SYNE1: variants seen among roughly 807,000 people sequenced by gnomAD.
SYNE1 encodes spectrin repeat containing nuclear envelope protein 1, also known as nesprin-1.
SYNE1 carries 616 observed loss-of-function variants against 1,111.0 expected under a neutral mutation model. That is an observed-to-expected ratio of 0.55 (90% CI 0.52 to 0.59). The LOEUF (loss-of-function observed/expected upper bound fraction) is 0.59, where lower values mean the gene tolerates loss of function less well. SYNE1 is among the 20% of genes least tolerant of loss of function. SYNE1 has a pLI of 0.00. For synonymous variants in SYNE1, 3,855 were observed against 3,825.8 expected (o/e 1.01, Z -0.28); for missense variants, 10,006 against 10,417.0 (o/e 0.96, Z 1.72).
intron 127 of SYNE1, among the ~76,000 whole-genome samples, chr6:152,200,357 T>A (rs2075158568): frequency 6.6e-6 from 1 of 152,208 alleles, no homozygotes. Flanking sequence ...TCACAGCCCC[T>A]AATAAATGCC....
chr6:152,362,418 G>T, intron 63 of SYNE1, 95 bp from the exon 64 acceptor site: 1 of 1,534,406 alleles, frequency 6.5e-7, no homozygotes, highest in Non-Finnish European at 9.0e-7. Context: ...AGTAAGCAAG[G>T]GGTCAAGAGA....
chr6:152,396,076 C>G (rs1475199692), intron 50 of SYNE1, among the ~76,000 whole-genome samples: 1 of 152,148 alleles, frequency 6.6e-6, no homozygotes, highest in African/African-American at 2.4e-5. Flanking sequence ...TGTCAATGTG[C>G]ACTTTAATTT....
At chr6:152,256,522 G>T in intron 102 of SYNE1, 112 bp downstream of exon 102, 2 of 1,375,462 alleles carry the variant, frequency 1.5e-6, no homozygotes, top group East Asian at 2.5e-5. Flanking sequence ...CACTAGTGTT[G>T]GGTCTCATGC....
At chr6:152,290,034 G>T (rs2094524651) in intron 95 of SYNE1, among the ~76,000 whole-genome samples, 1 of 150,300 alleles carries the variant, frequency 6.7e-6, no homozygotes, top group African/African-American at 2.5e-5. Context: ...TCAGATGAGA[G>T]ACCACAGTTC....
chr6:152,582,350 T>C (rs2099523001), intron 3 of SYNE1, among the ~76,000 whole-genome samples: 1 of 152,084 alleles, frequency 6.6e-6, no homozygotes, highest in South Asian at 2.1e-4. Context: ...CTCACATCTC[T>C]CCTTGTAATA....
intron 66 of SYNE1, among the ~76,000 whole-genome samples, chr6:152,355,390 A>G (rs554922374): frequency 6.6e-6 from 1 of 152,340 alleles, no homozygotes; most frequent in South Asian, 2.1e-4. Flanking sequence ...TGACTGAGAA[A>G]GAAACAATGA....
rs748625278 is a variant in SYNE1 at position 152,231,472 on chromosome 6, A to G, written c.20958T>C (p.Arg6986=). Residue 6986 remains arginine (R), a synonymous_variant, in exon 114 of 146, where the codon CGT becomes CGC. Transcript: ENST00000367255. ...GCTCAGCAAAATCAGTCTTATCACT[A>G]CGCTTACTTTCCACATCCTGACTGC... ...QISSQDVESK[R]SDKTDFAEQL... 14 of 1,614,178 alleles carry G rather than the reference A, an allele frequency of 8.7e-6. 1 individual carries two copies. The South Asian group carries it at 1.5e-4, about 18-fold the overall frequency.
At chr6:152,279,147 CTT>C (rs59520598) in intron 97 of SYNE1, among the ~76,000 whole-genome samples, 8,395 of 112,530 alleles carry the variant, frequency 0.075, 217 homozygotes, top group Middle Eastern at 0.11. Flanking sequence ...CTTTTCTTTT[CTT>C]TTTTTTTTTT....
At chr6:152,271,224 C>T (rs1037850976) in intron 98 of SYNE1, among the ~76,000 whole-genome samples, 4 of 151,888 alleles carry the variant, frequency 2.6e-5, no homozygotes, top group Non-Finnish European at 5.9e-5. Flanking sequence ...ATCTGTTTAC[C>T]TTTCTGTTTC....
At chr6:152,274,438 T>C (rs561848792) in intron 98 of SYNE1, among the ~76,000 whole-genome samples, 22 of 152,270 alleles carry the variant, frequency 1.4e-4, no homozygotes, top group African/African-American at 5.3e-4. Flanking sequence ...GCATAGTTTC[T>C]TCCCTGTTTG....
chr6:152,176,253 G>A lies in SYNE1; in HGVS notation c.23627+141C>T, dbSNP rs2066434326. 6 of 1,141,788 alleles carry A rather than the reference G, an allele frequency of 5.3e-6. No homozygotes were observed. The Admixed American group carries it at 9.0e-5, about 17-fold the overall frequency. The allele number at this position is 1,141,788 out of a possible 1,614,324, so 70.7% of individuals were successfully genotyped here. A position where few individuals can be genotyped will look rare whatever the true frequency, so the allele number is the denominator to read the frequency against. On this transcript the variant is annotated intron_variant, in intron 130 of 145. Transcript: ENST00000367255. ...GGTAACTAAAGTGCCACTTATGAGA[G>A]GAGCATGAACAGTTTTGAAAATGGT...
At chr6:152,401,801 T>C (rs2097823474) in intron 46 of SYNE1, among the ~76,000 whole-genome samples, 1 of 152,164 alleles carries the variant, frequency 6.6e-6, no homozygotes. Flanking sequence ...AAATATTGAG[T>C]GGGGCTAGTT....
intron 130 of SYNE1, among the ~76,000 whole-genome samples, chr6:152,174,693 C>A (rs775693427): frequency 6.6e-6 from 1 of 152,210 alleles, no homozygotes; most frequent in Non-Finnish European, 1.5e-5. Flanking sequence ...GGAGTCTGAG[C>A]ACAGGCTGTG....
chr6:152,325,439 G>A (rs2096036677), intron 80 of SYNE1, 137 bp from the exon 81 acceptor site: 3 of 767,392 alleles, frequency 3.9e-6, no homozygotes, highest in Admixed American at 4.9e-5. Context: ...TCTCCTCTAG[G>A]TACTCTTACT....
intron 3 of SYNE1, among the ~76,000 whole-genome samples, chr6:152,623,687 A>G (rs539062731): frequency 2.0e-5 from 3 of 152,274 alleles, no homozygotes; most frequent in African/African-American, 7.2e-5. Flanking sequence ...TCACAATGCC[A>G]TTAAAAAGTG....
In SYNE1 at chr6:152,148,240, G is replaced by A. The variant is rs567391477; in HGVS notation, c.24781C>T (p.Leu8261Phe). The change falls in exon 137 of 146, where the codon CTC becomes TTC. Residue 8261 changes from leucine to phenylalanine, a missense_variant. Leu to Phe is a conservative substitution (Grantham distance 22, BLOSUM62 0). Transcript: ENST00000367255. The surrounding 1 kb of genome is among the most constrained non-coding windows in gnomAD (Gnocchi z 4.1). ...CGCTCGCTCCGGAGGGGCTGAGCGA[G>A]CGAGAGGGAGAGATTGGAGGAAGGC... ...PQPSSNLSLS[L>F]AQPLRSERSG... 1 of 1,613,904 alleles carries A rather than the reference G, an allele frequency of 6.2e-7. No individual in the cohort carries two copies. The highest frequency in any genetic ancestry group is 1.6e-4 in the Middle Eastern group (1 of 6,062).
intron 4 of SYNE1, among the ~76,000 whole-genome samples, chr6:152,535,737 T>A (rs768253568): frequency 1.6e-4 from 24 of 152,170 alleles, no homozygotes; most frequent in Non-Finnish European, 3.1e-4. Context: ...ATGCCTAATT[T>A]TAAACATCTA....
At chr6:152,157,050 C>G (rs1351617010) in intron 131 of SYNE1, among the ~76,000 whole-genome samples, 2 of 152,280 alleles carry the variant, frequency 1.3e-5, no homozygotes, top group East Asian at 3.9e-4. Flanking sequence ...TGGTCTTGAA[C>G]TCCTGACCTC....
chr6:152,305,864 A>G (rs1340266392), intron 91 of SYNE1, among the ~76,000 whole-genome samples: 1 of 152,226 alleles, frequency 6.6e-6, no homozygotes, highest in East Asian at 1.9e-4. Flanking sequence ...CAAACATAAC[A>G]TGGATGTTCA....
Sources: gnomAD v4.1 joint callset for allele counts (sites outside exome capture counted in the v4.1 genomes callset) on GRCh38, gnomAD v4.1.1 for gene constraint, Gnocchi (gnomAD v3.1) non-coding constraint, MANE v1.5 for transcripts, NCBI Gene and HGNC (gene_info 2026-07-23, HGNC 2026-07-21) for gene names.